The following NALCN variants were observed in gnomAD, a reference collection of about 807,000 sequenced individuals.
The protein encoded by NALCN is sodium leak channel, non-selective, also known as sodium leak channel NALCN.
Under a neutral mutation model 225.3 loss-of-function variants are expected in NALCN, and 111 were observed. That is an observed-to-expected ratio of 0.49 (90% CI 0.42 to 0.58). The LOEUF is 0.58. Among genes scored for constraint, NALCN ranks in the 20% least tolerant of loss-of-function variants. The pLI, the probability that NALCN is intolerant of heterozygous loss-of-function variation, is 0.00. For synonymous variants in NALCN, 764 were observed against 769.0 expected (o/e 0.99, Z 0.11); for missense variants, 1,378 against 2,202.4 (o/e 0.63, Z 7.49).
intron 30 of NALCN, among the ~76,000 whole-genome samples, chr13:101,088,649 T>A (rs905554025): frequency 6.6e-6 from 1 of 152,164 alleles, no homozygotes; most frequent in Non-Finnish European, 1.5e-5. Flanking sequence ...TGCATGCACT[T>A]CCCTTACTAT....
chr13:101,186,072 G>T (rs571863644), intron 14 of NALCN, among the ~76,000 whole-genome samples: 2 of 152,230 alleles, frequency 1.3e-5, no homozygotes, highest in South Asian at 4.1e-4. Context: ...GTGTAACACA[G>T]ACCTGTCACC....
chr13:101,061,677 C>A (rs7334650), intron 41 of NALCN, among the ~76,000 whole-genome samples: 2 of 152,086 alleles, frequency 1.3e-5, no homozygotes, highest in Non-Finnish European at 2.9e-5. Flanking sequence ...AGCCACCACA[C>A]CTGGCCAATA....
At chr13:101,056,246 C>CTT (rs34583741) in intron 43 of NALCN, among the ~76,000 whole-genome samples, 1,848 of 45,888 alleles carry the variant, frequency 0.04, 350 homozygotes, top group Non-Finnish European at 0.052. Flanking sequence ...AGTGGAAGTA[C>CTT]TTTTTTTTTT....
chr13:101,408,260 C>T (rs917326588), intron 1 of NALCN, among the ~76,000 whole-genome samples: 8 of 152,168 alleles, frequency 5.3e-5, no homozygotes, highest in African/African-American at 1.4e-4. Flanking sequence ...TTAGAGCATG[C>T]CTGCCACTAG....
intron 7 of NALCN, among the ~76,000 whole-genome samples, chr13:101,331,331 G>A (rs1393169916): frequency 6.6e-6 from 1 of 152,156 alleles, no homozygotes; most frequent in African/African-American, 2.4e-5. Context: ...AGGAATCTAA[G>A]ATAAAAGAAC....
intron 7 of NALCN, among the ~76,000 whole-genome samples, chr13:101,322,199 T>C (rs746390102): frequency 1.3e-5 from 2 of 152,194 alleles, no homozygotes; most frequent in African/African-American, 4.8e-5. Context: ...ATGTGGAATA[T>C]AGGGAATTCA....
At chr13:101,057,917 AG>A in intron 43 of NALCN, 21 bp downstream of exon 43, 1 of 1,574,696 alleles carries the variant, frequency 6.4e-7, no homozygotes, top group South Asian at 1.1e-5. Flanking sequence ...CGATCGCTGG[AG>A]AAATGCCTGG....
chr13:101,198,882 G>A (rs1316943921), intron 13 of NALCN, among the ~76,000 whole-genome samples: 11 of 152,114 alleles, frequency 7.2e-5, no homozygotes, highest in Non-Finnish European at 1.2e-4. Context: ...CAAAGACTTG[G>A]AACCAACCCA....
intron 12 of NALCN, among the ~76,000 whole-genome samples, chr13:101,233,789 C>A (rs9518348): frequency 0.63 from 95,155 of 151,960 alleles, 30,368 homozygotes; most frequent in East Asian, 0.95. Flanking sequence ...GATGCCCGAC[C>A]CACAGGAAAT....
chr13:101,155,525 G>A (rs892348594), intron 15 of NALCN, among the ~76,000 whole-genome samples: 2 of 152,202 alleles, frequency 1.3e-5, no homozygotes, highest in Admixed American at 1.3e-4. Flanking sequence ...ATACCATGGA[G>A]ATGATACGCC....
chr13:101,349,184 A>C (rs1442895104), intron 6 of NALCN, among the ~76,000 whole-genome samples: 1 of 152,198 alleles, frequency 6.6e-6, no homozygotes, highest in Non-Finnish European at 1.5e-5. Context: ...TCTTGAATAA[A>C]GTATCTACTT....
chr13:101,154,663 T>C (rs2037816856), intron 15 of NALCN, among the ~76,000 whole-genome samples: 2 of 152,196 alleles, frequency 1.3e-5, no homozygotes, highest in Non-Finnish European at 2.9e-5. Flanking sequence ...AATACAATGA[T>C]AATCCAATGG....
intron 18 of NALCN, among the ~76,000 whole-genome samples, chr13:101,111,442 A>T (rs542898240): frequency 6.6e-4 from 101 of 152,318 alleles, no homozygotes; most frequent in African/African-American, 2.3e-3. Context: ...AAGGGCTGGA[A>T]AATAAACAGA....
intron 6 of NALCN, among the ~76,000 whole-genome samples, chr13:101,350,151 T>C (rs1385962139): frequency 6.6e-6 from 1 of 152,202 alleles, no homozygotes; most frequent in Non-Finnish European, 1.5e-5. Flanking sequence ...ACAAAGCATA[T>C]GGAGAGACCC....
intron 13 of NALCN, among the ~76,000 whole-genome samples, chr13:101,212,765 C>G (rs1310087108): frequency 6.6e-6 from 1 of 152,048 alleles, no homozygotes; most frequent in Non-Finnish European, 1.5e-5. Context: ...TAAAGGCAAA[C>G]ACTGGGATGG....
rs2043606036 is a variant in NALCN, at chr13:101,292,939, G to A, written c.800-573C>T. Among the ~76,000 whole-genome samples the A allele has an allele frequency of 6.6e-6, 1 of 152,166 alleles. No individual in the cohort carries two copies. The highest frequency in any genetic ancestry group is 6.5e-5 in the Admixed American group (1 of 15,274). On this transcript the variant is annotated intron_variant, in intron 7 of 43. Coordinates refer to ENST00000251127, the MANE Select transcript of NALCN (RefSeq NM_052867.4). This position sits in a 1 kb window ranked among gnomAD's most constrained non-coding sequence, Gnocchi z 4.3. ...CCAAATAGGACTTTGTATTTTCTGG[G>A]AGAATTACCTCATAGAAAGTACTTC...
intron 27 of NALCN, among the ~76,000 whole-genome samples, chr13:101,096,089 G>A (rs775462355): frequency 4.6e-5 from 7 of 152,024 alleles, no homozygotes; most frequent in African/African-American, 1.4e-4. Flanking sequence ...TGGAGGAATC[G>A]CAATCCTCAT....
intron 34 of NALCN, among the ~76,000 whole-genome samples, chr13:101,080,635 T>C (rs1443602857): frequency 4.9e-5 from 7 of 143,670 alleles, no homozygotes; most frequent in South Asian, 4.3e-4. Context: ...ATTATTTAAT[T>C]AAATATATTA....
chr13:101,258,380 G>A, intron 11 of NALCN, 63 bp downstream of exon 11: 1 of 1,601,188 alleles, frequency 6.2e-7, no homozygotes, highest in Non-Finnish European at 8.5e-7. Context: ...GCATCTCTAA[G>A]AGGCACTGTC....
Sources: gnomAD v4.1 joint callset for allele counts (sites outside exome capture counted in the v4.1 genomes callset) on GRCh38, gnomAD v4.1.1 for gene constraint, Gnocchi (gnomAD v3.1) non-coding constraint, MANE v1.5 for transcripts, NCBI Gene and HGNC (gene_info 2026-07-23, HGNC 2026-07-21) for gene names.